Variants in CECR2 observed in about 807,000 individuals in gnomAD.
CECR2 encodes the protein CECR2 histone acetyl-lysine reader, also known as chromatin remodeling regulator CECR2.
In CECR2, 30 loss-of-function variants were observed where a neutral mutation model predicts 154.5. The observed-to-expected ratio is 0.19, with a 90% CI of 0.15 to 0.26. CECR2 has a LOEUF of 0.26. Ranked by LOEUF, CECR2 falls within the 10% of genes least tolerant of loss-of-function variation. The pLI is 1.00. For synonymous variants in CECR2, 725 were observed against 683.7 expected (o/e 1.06, Z -0.94); for missense variants, 1,743 against 1,829.3 (o/e 0.95, Z 0.86).
At chr22:17,389,507 C>T (rs574889305) in intron 1 of CECR2, among the ~76,000 whole-genome samples, 77 of 152,218 alleles carry the variant, frequency 5.1e-4, no homozygotes, top group African/African-American at 1.8e-3. Context: ...TGGGGTCTCA[C>T]GCTGTGTTGC....
At chr22:17,546,771 G>A (rs956143052) in intron 16 of CECR2, among the ~76,000 whole-genome samples, 7 of 151,954 alleles carry the variant, frequency 4.6e-5, no homozygotes, top group Non-Finnish European at 8.8e-5. Flanking sequence ...GGGCGCGGTG[G>A]CTCACACCTG....
chr22:17,481,528 C>T (rs1331646199), intron 2 of CECR2, among the ~76,000 whole-genome samples: 1 of 152,096 alleles, frequency 6.6e-6, no homozygotes, highest in Non-Finnish European at 1.5e-5. Context: ...CAGATTTTGA[C>T]TCAACCAAGT....
Position 17,537,184 on chromosome 22 carries a change from A to G in CECR2, c.1190A>G (p.His397Arg). 6.2e-6 allele frequency: 10 copies of G among 1,613,992 alleles called. No individual in the cohort carries two copies. Among genetic ancestry groups the G allele is most frequent in the Non-Finnish European group, 8.5e-6 (10 of 1,179,848 alleles). Residue 397 changes from histidine (H) to arginine (R), a missense_variant, in exon 10 of 19, where the codon CAT becomes CGT. By Grantham distance (29) the His-to-Arg change is conservative (BLOSUM62 0). Coordinates refer to ENST00000262608, the MANE Select transcript of CECR2 (RefSeq NM_001290047.2). Reference sequence around the variant, plus strand: ...AAGGAGCTCCCTCCAGAACTTTCCCATCTGGACCCCAATTCCCCCATGAGA... The same window carrying G: ...AAGGAGCTCCCTCCAGAACTTTCCCGTCTGGACCCCAATTCCCCCATGAGA... ...QGKELPPELS[H>R]LDPNSPMREE... is the part of the protein sequence containing the mutation.
At chr22:17,428,998 C>G (rs1478949910) in intron 1 of CECR2, among the ~76,000 whole-genome samples, 1 of 151,712 alleles carries the variant, frequency 6.6e-6, no homozygotes, top group Non-Finnish European at 1.5e-5. Flanking sequence ...ATGTGTGAGT[C>G]TATTGTTTTT....
rs191519563 is a variant in CECR2, at chr22:17,554,550, G to A, written c.*1710G>A. 4.1e-4 allele frequency: 62 copies of A among 152,308 alleles called. No homozygotes were observed. Among genetic ancestry groups the A allele is most frequent in the Admixed American group, 2.4e-3 (36 of 15,290 alleles). The allele number at this position is 152,308 out of a possible 1,614,324, so 9.4% of individuals were successfully genotyped here. ...AGACACCAGTTCCAGGATGATGGAA[G>A]TTCATATCCGTACGCAAATGCTGAA... On this transcript the variant is annotated 3_prime_UTR_variant, in exon 19 of 19. Coordinates refer to ENST00000262608, the MANE Select transcript of CECR2 (RefSeq NM_001290047.2).
At chr22:17,414,802 G>A (rs1047337045) in intron 1 of CECR2, among the ~76,000 whole-genome samples, 7 of 152,086 alleles carry the variant, frequency 4.6e-5, no homozygotes, top group African/African-American at 1.7e-4. Context: ...TTGGGGTGAG[G>A]CGTTAGGGGC....
In CECR2 at chr22:17,538,402, A is replaced by G. The variant is rs551123982; in HGVS notation, c.1239-118A>G. The stretch of plus-strand genomic sequence containing the variant: ...TCAGTGTCACAGGCTCATCTAAACC[A>G]CACTATTAGGACTATTCCAAATCTT... On this transcript the variant is annotated intron_variant, in intron 10 of 18. Transcript: ENST00000262608. The G allele has an allele frequency of 1.2e-3, 1,085 of 893,612 alleles. 4 individuals carry two copies. Among genetic ancestry groups the G allele is most frequent in the Non-Finnish European group, 1.5e-3 (800 of 539,670 alleles). The allele number at this position is 893,612 out of a possible 1,614,324, so 55.4% of individuals were successfully genotyped here.
At chr22:17,470,401 A>G (rs570742482) in intron 1 of CECR2, among the ~76,000 whole-genome samples, 1 of 151,456 alleles carries the variant, frequency 6.6e-6, no homozygotes, top group Non-Finnish European at 1.5e-5. Flanking sequence ...TCAAAAAAAA[A>G]AAAAAAAGAA....
intron 10 of CECR2, among the ~76,000 whole-genome samples, 153 bp downstream of exon 10, chr22:17,537,385 C>G (rs953512083): frequency 2.6e-5 from 4 of 152,160 alleles, no homozygotes; most frequent in African/African-American, 9.7e-5. Flanking sequence ...CACACAGACA[C>G]GCCTAGCTAC....
intron 1 of CECR2, among the ~76,000 whole-genome samples, chr22:17,403,983 G>T (rs1001624617): frequency 2.0e-5 from 3 of 148,838 alleles, no homozygotes; most frequent in African/African-American, 7.5e-5. Context: ...ACCCTGGCCG[G>T]GCACAGTGGC....
rs763080661 is a variant in CECR2 at position 17,548,957 on chromosome 22, G to A, written c.3670G>A (p.Gly1224Arg). ...TCTCCATCCCCAGGGAAGCCCAAGC[G>A]GACCCCCAGCCAGTCAGCCTCCCCC... ...RPLHPQGSPS[G>R]PPASQPPPPR... The change falls in exon 17 of 19, where the codon GGA becomes AGA. Residue 1224 changes from glycine (G) to arginine (R), a missense_variant. Gly to Arg is a moderately radical substitution (Grantham distance 125). Coordinates refer to ENST00000262608, the MANE Select transcript of CECR2 (RefSeq NM_001290047.2). The A allele has an allele frequency of 8.1e-6, 13 of 1,613,786 alleles. No homozygotes were observed. In the East Asian group the frequency reaches 8.9e-5, roughly 11 times the overall value.
chr22:17,393,665 A>G (rs2053764159), intron 1 of CECR2, among the ~76,000 whole-genome samples: 1 of 152,084 alleles, frequency 6.6e-6, no homozygotes, highest in South Asian at 2.1e-4. Context: ...CCTTGCCAAC[A>G]CTTATTATCT....
At chr22:17,543,177 G>A (rs1157516062) in intron 16 of CECR2, among the ~76,000 whole-genome samples, 174 bp downstream of exon 16, 2 of 152,072 alleles carry the variant, frequency 1.3e-5, no homozygotes, top group Non-Finnish European at 2.9e-5. Context: ...CTGTCGCCCA[G>A]GCTGGAGTGC....
chr22:17,480,681 T>C (rs1369435351), intron 2 of CECR2, among the ~76,000 whole-genome samples: 2 of 152,162 alleles, frequency 1.3e-5, no homozygotes, highest in African/African-American at 4.8e-5. Flanking sequence ...GAAAGAGAAA[T>C]TTGGATAAGT....
intron 1 of CECR2, among the ~76,000 whole-genome samples, chr22:17,363,239 T>A (rs981855368): frequency 3.3e-5 from 5 of 150,146 alleles, no homozygotes; most frequent in African/African-American, 1.2e-4. Flanking sequence ...TGAGTTGGGG[T>A]CTCGCTTTCG....
At chr22:17,468,792 C>G (rs1205014510) in intron 1 of CECR2, among the ~76,000 whole-genome samples, 2 of 152,160 alleles carry the variant, frequency 1.3e-5, no homozygotes, top group Non-Finnish European at 2.9e-5. Context: ...TTTGCCGTAA[C>G]AAAATATCAC....
In CECR2 at chr22:17,542,565, G is replaced by A. The variant is rs748730538; in HGVS notation, c.2422G>A (p.Val808Met). 1.2e-5 allele frequency: 20 copies of A among 1,613,876 alleles called. No homozygotes were observed. Among genetic ancestry groups the A allele is most frequent in the Middle Eastern group, 1.6e-4 (1 of 6,084 alleles). ...TCACCAGCCTCGCACTCTCGGTCACGTGATGGATTCCCGAGTCATGAGACC... is the reference window on the plus strand; with the variant it reads ...TCACCAGCCTCGCACTCTCGGTCACATGATGGATTCCCGAGTCATGAGACC... ...PSHQPRTLGH[V>M]MDSRVMRPPV... Residue 808 changes from valine to methionine, a missense_variant, in exon 16 of 19, where the codon GTG becomes ATG. By Grantham distance (21) the Val-to-Met change is conservative. Transcript: ENST00000262608.
intron 16 of CECR2, 26 bp downstream of exon 16, chr22:17,543,029 CT>C: frequency 6.4e-7 from 1 of 1,562,638 alleles, no homozygotes; most frequent in Non-Finnish European, 8.7e-7. Flanking sequence ...ACTTTGGGCT[CT>C]TTAAGCTCTT....
intron 1 of CECR2, among the ~76,000 whole-genome samples, chr22:17,415,922 T>C (rs1055872372): frequency 2.0e-5 from 3 of 152,240 alleles, no homozygotes; most frequent in African/African-American, 7.2e-5. Context: ...TTTAATTTTT[T>C]GTTCACTGGA....
Sources: allele counts gnomAD v4.1 joint callset (sites outside exome capture counted in the v4.1 genomes callset), GRCh38; gene constraint gnomAD v4.1.1; transcripts MANE v1.5; gene names NCBI Gene and HGNC (gene_info 2026-07-23, HGNC 2026-07-21).